PSMA8: variants seen among roughly 807,000 people sequenced by gnomAD.
PSMA8 encodes proteasome 20S subunit alpha 8, also known as proteasome subunit alpha-type 8.
A neutral mutation model predicts 32.4 loss-of-function variants in PSMA8; 18 were observed. The observed-to-expected ratio is 0.56, with a 90% CI of 0.38 to 0.82. PSMA8 has a LOEUF of 0.82. Ranked by LOEUF, PSMA8 falls within the 40% of genes least tolerant of loss-of-function variation. PSMA8 has a pLI of 0.00. For missense variants in PSMA8, 298 were observed against 300.7 expected (o/e 0.99, Z 0.07); for synonymous variants, 104 against 98.1 (o/e 1.06, Z -0.36).
At chr18:26,170,746 C>A in intron 4 of PSMA8, 7 of 1,533,724 alleles carry the variant, frequency 4.6e-6, no homozygotes, top group Non-Finnish European at 6.1e-6. Context: ...TCATATACTT[C>A]AAATTTGTAC....
intron 6 of PSMA8, among the ~76,000 whole-genome samples, chr18:26,189,353 C>T (rs1224205789): frequency 6.6e-6 from 1 of 152,008 alleles, no homozygotes; most frequent in Non-Finnish European, 1.5e-5. Flanking sequence ...CACAGTGAGA[C>T]CTTGTCTCTA....
Position 26,163,247 on chromosome 18 carries a change from ATAT to A in PSMA8, c.477+5004_477+5006del, listed in dbSNP as rs1296661724. Among the ~76,000 whole-genome samples the A allele has an allele frequency of 3.0e-4, 34 of 112,400 alleles. 1 individual carries two copies. The highest frequency in any genetic ancestry group is 1.2e-3 in the African/African-American group (34 of 29,422). 73.7% of individuals were successfully genotyped at this position (112,400 alleles called of 152,430 possible). On this transcript the variant is annotated intron_variant, in intron 4 of 6. Coordinates refer to ENST00000415576, the MANE Select transcript of PSMA8 (RefSeq NM_001025096.2). ...TATATATATATATATATATATATAT[ATAT>A]ATATATATATATGCTGTGAGTAAAA...
chr18:26,191,446 T>C (rs970308819), intron 6 of PSMA8, among the ~76,000 whole-genome samples: 1 of 151,306 alleles, frequency 6.6e-6, no homozygotes, highest in African/African-American at 2.4e-5. Flanking sequence ...CTGGCCAACA[T>C]GGCAAAACCC....
chr18:26,158,597 C>T (rs1289063474), intron 4 of PSMA8, among the ~76,000 whole-genome samples: 1 of 152,170 alleles, frequency 6.6e-6, no homozygotes, highest in Non-Finnish European at 1.5e-5. Context: ...ATTAGATGGA[C>T]ATTTAAATTC....
chr18:26,192,217 C>G, intron 6 of PSMA8, 102 bp from the exon 7 acceptor site: 1 of 1,011,322 alleles, frequency 9.9e-7, no homozygotes, highest in Non-Finnish European at 1.3e-6. Context: ...TAAAGTTGTA[C>G]ATAGAAAGTA....
At chr18:26,138,908 C>A (rs1342122173) in intron 1 of PSMA8, among the ~76,000 whole-genome samples, 2 of 152,100 alleles carry the variant, frequency 1.3e-5, no homozygotes, top group Non-Finnish European at 2.9e-5. Context: ...AATGGTACTG[C>A]CATTTACTTA....
chr18:26,169,807 T>C (rs1164881399), intron 4 of PSMA8, among the ~76,000 whole-genome samples: 2 of 123,810 alleles, frequency 1.6e-5, no homozygotes, highest in East Asian at 4.6e-4. Context: ...GGTCACACCA[T>C]TGCATGCTAG....
intron 6 of PSMA8, among the ~76,000 whole-genome samples, chr18:26,179,582 G>A (rs555811747): frequency 2.1e-3 from 322 of 152,192 alleles, no homozygotes; most frequent in African/African-American, 2.6e-3. Flanking sequence ...TCTGTCAGCC[G>A]TTATGGGTTA....
At chr18:26,158,594 G>A (rs945989146) in intron 4 of PSMA8, among the ~76,000 whole-genome samples, 2 of 152,092 alleles carry the variant, frequency 1.3e-5, no homozygotes, top group Non-Finnish European at 2.9e-5. Context: ...AGAATTAGAT[G>A]GACATTTAAA....
At chr18:26,134,153 C>A in intron 1 of PSMA8, 86 bp downstream of exon 1, 1 of 933,444 alleles carries the variant, frequency 1.1e-6, no homozygotes. Context: ...CCTTTCCATC[C>A]TAGGAGCTCA....
intron 4 of PSMA8, 99 bp from the exon 5 acceptor site, chr18:26,178,731 G>T: frequency 9.9e-7 from 1 of 1,010,270 alleles, no homozygotes; most frequent in East Asian, 2.5e-5. Flanking sequence ...ATTTTATTAA[G>T]GTATACTGGA....
intron 1 of PSMA8, among the ~76,000 whole-genome samples, chr18:26,134,668 A>G (rs1478845977): frequency 6.6e-6 from 1 of 152,188 alleles, no homozygotes; most frequent in Non-Finnish European, 1.5e-5. Context: ...AAAATATCCC[A>G]AAATTGCTGG....
rs950113562 is a variant in PSMA8, at chr18:26,192,876, T to C, written c.*465T>C. 2 of 152,246 alleles carry C rather than the reference T, an allele frequency of 1.3e-5. No individual in the cohort carries two copies. Among genetic ancestry groups the C allele is most frequent in the Non-Finnish European group, 2.9e-5 (2 of 68,040 alleles). 9.4% of individuals were successfully genotyped at this position (152,246 alleles called of 1,614,324 possible). A position where few individuals can be genotyped will look rare whatever the true frequency, so the allele number is the denominator to read the frequency against. The stretch of plus-strand genomic sequence containing the variant: ...TTATACTGATGAGTTCTTAAAATTT[T>C]GTCAGAGCCTTCTTCATTTTACAAT... On this transcript the variant is annotated 3_prime_UTR_variant, in exon 7 of 7. Transcript: ENST00000415576.
At chr18:26,189,734 G>A (rs1400535232) in intron 6 of PSMA8, among the ~76,000 whole-genome samples, 1 of 152,140 alleles carries the variant, frequency 6.6e-6, no homozygotes, top group Non-Finnish European at 1.5e-5. Flanking sequence ...AGAATAGTTT[G>A]GAGATTCCTC....
chr18:26,157,583 T>C (rs2055100145), intron 3 of PSMA8, among the ~76,000 whole-genome samples: 1 of 152,172 alleles, frequency 6.6e-6, no homozygotes, highest in Non-Finnish European at 1.5e-5. Flanking sequence ...CATGCTCTTC[T>C]TCAGGATAAA....
At chr18:26,148,710 G>C (rs968414147) in intron 2 of PSMA8, among the ~76,000 whole-genome samples, 11 of 152,100 alleles carry the variant, frequency 7.2e-5, no homozygotes, top group African/African-American at 2.4e-4. Flanking sequence ...CAAATTGGGA[G>C]GGAAGAAAAA....
intron 6 of PSMA8, among the ~76,000 whole-genome samples, chr18:26,181,889 A>C (rs12955158): frequency 0.053 from 7,909 of 149,956 alleles, 233 homozygotes; most frequent in East Asian, 0.11. Context: ...GCACCACTGC[A>C]CTCCAGCCTG....
chr18:26,172,414 A>G (rs73944487), intron 4 of PSMA8, among the ~76,000 whole-genome samples: 3 of 152,142 alleles, frequency 2.0e-5, no homozygotes, highest in Non-Finnish European at 4.4e-5. Flanking sequence ...ATAAATGGGC[A>G]TAGTGATGTA....
chr18:26,162,021 A>G (rs1410435905), intron 4 of PSMA8, among the ~76,000 whole-genome samples: 1 of 152,188 alleles, frequency 6.6e-6, no homozygotes, highest in African/African-American at 2.4e-5. Flanking sequence ...ACTGAAGAAG[A>G]TATTTAGAAA....
Sources: gnomAD v4.1 joint callset for allele counts (sites outside exome capture counted in the v4.1 genomes callset) on GRCh38, gnomAD v4.1.1 for gene constraint, MANE v1.5 for transcripts, NCBI Gene and HGNC (gene_info 2026-07-23, HGNC 2026-07-21) for gene names.